Variants in HIP1 observed in about 807,000 individuals in gnomAD.
HIP1 encodes huntingtin-interacting protein 1.
Under a neutral mutation model 147.6 loss-of-function variants are expected in HIP1, and 65 were observed. That is an observed-to-expected ratio of 0.44 (90% confidence interval 0.36 to 0.54). HIP1 has a LOEUF of 0.54. Ranked by LOEUF, HIP1 falls within the 20% of genes least tolerant of loss-of-function variation. HIP1 has a pLI of 0.00. For synonymous variants in HIP1, 479 were observed against 504.0 expected, an observed-to-expected ratio of 0.95 and a Z score of 0.67; for missense variants, 1,061 against 1,299.6, an observed-to-expected ratio of 0.82 and a Z score of 2.82.
intron 25 of HIP1, among the ~76,000 whole-genome samples, chr7:75,546,334 A>G (rs73139339): frequency 0.15 from 22,267 of 152,192 alleles, 1,741 homozygotes; most frequent in Non-Finnish European, 0.18. Context: ...ATCAGCTCTC[A>G]GGAAGATAAA....
At chr7:75,592,314 G>A (rs1044656044) in intron 3 of HIP1, 58 bp downstream of exon 3, 17 of 1,561,166 alleles carry the variant, frequency 1.1e-5, no homozygotes, top group Non-Finnish European at 1.5e-5. Flanking sequence ...GGCCCAGGCA[G>A]TCACTTTCCC....
intron 1 of HIP1, among the ~76,000 whole-genome samples, chr7:75,602,803 C>G (rs1216274237): frequency 8.1e-6 from 1 of 122,852 alleles, no homozygotes; most frequent in Non-Finnish European, 1.7e-5. Context: ...TCACGCCCAA[C>G]CCCCCCCACC....
intron 11 of HIP1, 71 bp from the exon 12 acceptor site, chr7:75,562,241 G>T: frequency 1.0e-6 from 1 of 972,926 alleles, no homozygotes; most frequent in Non-Finnish European, 1.7e-6. Flanking sequence ...TCAGTTGAGT[G>T]ATATGGGAGA....
intron 1 of HIP1, among the ~76,000 whole-genome samples, chr7:75,703,506 GGT>G (rs1214821850): frequency 2.0e-5 from 3 of 152,062 alleles, no homozygotes; most frequent in Non-Finnish European, 4.4e-5. Context: ...AGCTGGGTGT[GGT>G]GGCACATGCC....
chr7:75,705,370 T>C (rs1800955464), intron 1 of HIP1, among the ~76,000 whole-genome samples: 1 of 152,062 alleles, frequency 6.6e-6, no homozygotes, highest in South Asian at 2.1e-4. Context: ...CCTTTTTTTT[T>C]TTTCTTTTTT....
At chr7:75,676,395 T>G (rs2117258308) in intron 1 of HIP1, among the ~76,000 whole-genome samples, 1 of 152,266 alleles carries the variant, frequency 6.6e-6, no homozygotes. Context: ...GGGGGGTTAT[T>G]ATTGCCTTCT....
rs191815417 is a variant in HIP1, at chr7:75,542,907, G to A, written c.2834C>T (p.Ala945Val). ...GGTTGAGGCCACAACGCCGGCAGTG[G>A]CCTGGTTCACTCCCCGAGAGGCCTG... ...LQQASRGVNQ[A>V]TAGVVASTIS... Residue 945 changes from alanine (A) to valine (V), a missense_variant, in exon 28 of 31, where the codon GCC becomes GTC. By Grantham distance (64) the Ala-to-Val change is moderately conservative. Transcript: ENST00000336926. 10 of 1,614,050 alleles carry A rather than the reference G, an allele frequency of 6.2e-6. No individual in the cohort carries two copies. The East Asian group carries it at 2.0e-4, about 32-fold the overall frequency.
At chr7:75,719,051 C>T (rs2117373061) in intron 1 of HIP1, among the ~76,000 whole-genome samples, 1 of 152,216 alleles carries the variant, frequency 6.6e-6, no homozygotes, top group East Asian at 1.9e-4. Flanking sequence ...CATACAGTGG[C>T]TCACACCTGG....
At chr7:75,565,992 G>C (rs1443201732) in intron 9 of HIP1, among the ~76,000 whole-genome samples, 1 of 150,978 alleles carries the variant, frequency 6.6e-6, no homozygotes, top group Admixed American at 6.6e-5. Flanking sequence ...GGGATTACAG[G>C]TGTGAGCCAC....
intron 1 of HIP1, among the ~76,000 whole-genome samples, chr7:75,653,590 G>A (rs1799060979): frequency 6.6e-6 from 1 of 152,012 alleles, no homozygotes; most frequent in African/African-American, 2.4e-5. Flanking sequence ...GGAGGTTGAG[G>A]CCTTATGCTT....
At chr7:75,738,127 C>G (rs1423452608) in intron 1 of HIP1, among the ~76,000 whole-genome samples, 4 of 152,166 alleles carry the variant, frequency 2.6e-5, no homozygotes, top group Admixed American at 2.6e-4. Flanking sequence ...AACCAAGACC[C>G]CAAGTCAGGG....
intron 1 of HIP1, among the ~76,000 whole-genome samples, chr7:75,615,928 A>C (rs186272810): frequency 1.3e-5 from 2 of 151,828 alleles, no homozygotes; most frequent in Admixed American, 1.3e-4. Context: ...TCTACTAAAA[A>C]TACAAAAATT....
Position 75,605,441 on chromosome 7 carries a change from C to CA in HIP1, c.121-6195dup, listed in dbSNP as rs112851351. 4.2e-3 allele frequency among the ~76,000 whole-genome samples: 644 copies of CA among 152,286 alleles called. 9 individuals carry two copies. Among genetic ancestry groups the CA allele is most frequent in the African/African-American group, 0.015 (613 of 41,568 alleles). ...GCTTCTGAGTGGCAAGAAGAGATGA[C>CA]AGCAGGTGGAGGGGAATGGGCCAGC... On this transcript the variant is annotated intron_variant, in intron 1 of 30. Coordinates refer to ENST00000336926, the MANE Select transcript of HIP1 (RefSeq NM_005338.7).
rs571192557 is a variant in HIP1 at position 75,654,585 on chromosome 7, T to C, written c.121-55338A>G. 1.0e-3 allele frequency: 153 copies of C among 152,318 alleles called. 1 individual carries two copies. Among genetic ancestry groups the C allele is most frequent in the African/African-American group, 3.6e-3 (151 of 41,548 alleles). The allele number at this position is 152,318 out of a possible 1,614,324, so 9.4% of individuals were successfully genotyped here. On this transcript the variant is annotated intron_variant, in intron 1 of 30. Transcript: ENST00000336926. ...CGGTACCACCAGAGGCTGGGTTCTG[T>C]GCTCGGCTTCAGAGTGAGAGAGGAA...
Position 75,538,158 on chromosome 7 carries a change from G to T in HIP1, c.*14C>A, listed in dbSNP as rs782069278. The T allele has an allele frequency of 1.9e-6, 3 of 1,601,348 alleles. No individual in the cohort carries two copies. The highest frequency in any genetic ancestry group is 1.3e-5 in the African/African-American group (1 of 74,522). On this transcript the variant is annotated 3_prime_UTR_variant, in exon 31 of 31. Transcript: ENST00000336926. ...ACAAGGATTTACACTGACATATGGG[G>T]TGTTGGTTTGGCTCTATTCTTTTTC...
chr7:75,602,950 A>G (rs1333273048), intron 1 of HIP1, among the ~76,000 whole-genome samples: 1 of 151,984 alleles, frequency 6.6e-6, no homozygotes, highest in Non-Finnish European at 1.5e-5. Context: ...GTAGGGATCC[A>G]GAGACACACA....
chr7:75,668,279 G>A (rs1202991701), intron 1 of HIP1, among the ~76,000 whole-genome samples: 4 of 152,170 alleles, frequency 2.6e-5, no homozygotes, highest in African/African-American at 4.8e-5. Flanking sequence ...GTTGAGAACA[G>A]CCTCTCTATA....
At chr7:75,635,313 T>C (rs1341673153) in intron 1 of HIP1, among the ~76,000 whole-genome samples, 2 of 152,030 alleles carry the variant, frequency 1.3e-5, no homozygotes, top group Admixed American at 6.6e-5. Context: ...AGCTGTCAAC[T>C]GAAATACAGC....
chr7:75,599,762 G>C (rs1796902445), intron 1 of HIP1, among the ~76,000 whole-genome samples: 1 of 151,800 alleles, frequency 6.6e-6, no homozygotes, highest in Non-Finnish European at 1.5e-5. Flanking sequence ...CAACTTCTAA[G>C]CAAATTCCCT....
Sources: allele counts gnomAD v4.1 joint callset (sites outside exome capture counted in the v4.1 genomes callset), GRCh38; gene constraint gnomAD v4.1.1; transcripts MANE v1.5; gene names NCBI Gene and HGNC (gene_info 2026-07-23, HGNC 2026-07-21).